NUBPL: variants seen among roughly 807,000 people sequenced by gnomAD.
The protein encoded by NUBPL is iron-sulfur cluster transfer protein NUBPL.
Under a neutral mutation model 45.7 loss-of-function variants are expected in NUBPL, and 31 were observed. The ratio of observed to expected loss-of-function variants is 0.68; its 90% confidence interval spans 0.51 to 0.92. The LOEUF (loss-of-function observed/expected upper bound fraction) is 0.92. Among genes scored for constraint, NUBPL ranks in the 40% least tolerant of loss-of-function variants. The pLI is 0.00. For synonymous variants in NUBPL, 144 were observed against 140.9 expected (o/e 1.02, Z -0.15); for missense variants, 401 against 398.7 (o/e 1.01, Z -0.05).
intron 6 of NUBPL, among the ~76,000 whole-genome samples, chr14:31,675,813 TTTCAGTATATAA>T (rs2036681147): frequency 1.3e-5 from 2 of 152,172 alleles, no homozygotes; most frequent in Non-Finnish European, 2.9e-5. Context: ...ATGCATAGAT[TTTCAGTATATAA>T]TTCAGTGATT....
At chr14:31,840,582 A>C (rs2040354051) in intron 8 of NUBPL, among the ~76,000 whole-genome samples, 1 of 119,516 alleles carries the variant, frequency 8.4e-6, no homozygotes, top group Non-Finnish European at 1.9e-5. Context: ...TCTCAAAAAA[A>C]AAAAAAAAGA....
intron 4 of NUBPL, among the ~76,000 whole-genome samples, chr14:31,601,170 T>C (rs536749271): frequency 1.2e-4 from 18 of 152,324 alleles, no homozygotes; most frequent in Admixed American, 1.2e-3. Flanking sequence ...TGCAGTATAG[T>C]TTGAAGTCAG....
chr14:31,697,508 C>T (rs1345411729), intron 6 of NUBPL, among the ~76,000 whole-genome samples: 1 of 152,162 alleles, frequency 6.6e-6, no homozygotes, highest in Non-Finnish European at 1.5e-5. Flanking sequence ...ATCTGTTGTT[C>T]AATGCAGACT....
chr14:31,611,824 A>G (rs927110099), intron 4 of NUBPL, among the ~76,000 whole-genome samples: 1 of 152,214 alleles, frequency 6.6e-6, no homozygotes, highest in Non-Finnish European at 1.5e-5. Flanking sequence ...GTGGGGGAAA[A>G]GATGGTCTCT....
intron 6 of NUBPL, among the ~76,000 whole-genome samples, chr14:31,733,235 G>T (rs1383759208): frequency 2.0e-5 from 3 of 152,148 alleles, no homozygotes; most frequent in African/African-American, 7.2e-5. Flanking sequence ...GGCTGCTTTT[G>T]AATTCTGTAT....
intron 3 of NUBPL, among the ~76,000 whole-genome samples, chr14:31,571,649 C>G (rs539283716): frequency 3.9e-5 from 6 of 152,184 alleles, no homozygotes; most frequent in Admixed American, 2.0e-4. Context: ...GGGGTTTCAT[C>G]ATGTTGGCCA....
chr14:31,823,960 G>C (rs1331398289), intron 7 of NUBPL, among the ~76,000 whole-genome samples: 8 of 152,018 alleles, frequency 5.3e-5, no homozygotes, highest in African/African-American at 1.7e-4. Flanking sequence ...CTTGGGCAAA[G>C]TAAATCAAAA....
chr14:31,592,433 A>T (rs2034166342), intron 3 of NUBPL, among the ~76,000 whole-genome samples: 1 of 152,024 alleles, frequency 6.6e-6, no homozygotes, highest in South Asian at 2.1e-4. Context: ...AATCTGACTT[A>T]TGTTTCATCT....
intron 7 of NUBPL, among the ~76,000 whole-genome samples, chr14:31,799,248 C>A (rs544554656): frequency 1.4e-4 from 21 of 152,036 alleles, no homozygotes; most frequent in African/African-American, 4.8e-4. Flanking sequence ...CAAAAAAATC[C>A]TTTTTTATAG....
At chr14:31,778,072 G>T (rs1438334739) in intron 6 of NUBPL, among the ~76,000 whole-genome samples, 2 of 152,180 alleles carry the variant, frequency 1.3e-5, no homozygotes, top group Admixed American at 1.3e-4. Flanking sequence ...TAATCCATGG[G>T]GTCATTGTCA....
intron 4 of NUBPL, among the ~76,000 whole-genome samples, chr14:31,649,594 A>G (rs2035946479): frequency 6.6e-6 from 1 of 152,244 alleles, no homozygotes; most frequent in Non-Finnish European, 1.5e-5. Flanking sequence ...AAGTTTAAAA[A>G]CATACAACTT....
chr14:31,591,360 C>T (rs1175144730), intron 3 of NUBPL, among the ~76,000 whole-genome samples: 1 of 152,088 alleles, frequency 6.6e-6, no homozygotes, highest in African/African-American at 2.4e-5. Context: ...CAGGGTTTCA[C>T]CATGTTGGCC....
chr14:31,600,490 C>T (rs2034402453), intron 4 of NUBPL, among the ~76,000 whole-genome samples: 1 of 152,176 alleles, frequency 6.6e-6, no homozygotes, highest in Non-Finnish European at 1.5e-5. Flanking sequence ...CCACGCAGAC[C>T]TGGGGAGAAC....
intron 4 of NUBPL, among the ~76,000 whole-genome samples, chr14:31,639,537 G>A (rs1220568049): frequency 6.6e-6 from 1 of 152,170 alleles, no homozygotes; most frequent in Non-Finnish European, 1.5e-5. Flanking sequence ...TAGGGGTCAG[G>A]GACCCACTTG....
intron 8 of NUBPL, among the ~76,000 whole-genome samples, chr14:31,833,657 C>G (rs1323302915): frequency 6.6e-6 from 1 of 152,098 alleles, no homozygotes; most frequent in East Asian, 1.9e-4. Context: ...AGCAGAGTAG[C>G]CTTCTTCCAT....
chr14:31,772,916 A>G (rs1366455697), intron 6 of NUBPL, among the ~76,000 whole-genome samples: 1 of 152,220 alleles, frequency 6.6e-6, no homozygotes, highest in Non-Finnish European at 1.5e-5. Context: ...AAAGGATTAG[A>G]GAACTTTTTA....
At chr14:31,594,685 A>T (rs1304257210) in intron 3 of NUBPL, among the ~76,000 whole-genome samples, 1 of 152,210 alleles carries the variant, frequency 6.6e-6, no homozygotes, top group East Asian at 1.9e-4. Context: ...CTCTTCTGAC[A>T]ATCAGATTCT....
intron 6 of NUBPL, among the ~76,000 whole-genome samples, chr14:31,721,926 C>T (rs66472756): frequency 0.3 from 45,029 of 152,084 alleles, 7,475 homozygotes; most frequent in South Asian, 0.41. Flanking sequence ...GCTCCATCCA[C>T]GTTCCTGCAA....
intron 6 of NUBPL, among the ~76,000 whole-genome samples, chr14:31,725,257 A>G (rs1227593823): frequency 6.6e-6 from 1 of 152,120 alleles, no homozygotes; most frequent in Non-Finnish European, 1.5e-5. Flanking sequence ...TATTGTCTCC[A>G]TTTTTTGGTT....
Sources: allele counts gnomAD v4.1 joint callset (sites outside exome capture counted in the v4.1 genomes callset), GRCh38; gene constraint gnomAD v4.1.1; transcripts MANE v1.5; gene names NCBI Gene and HGNC (gene_info 2026-07-23, HGNC 2026-07-21).